The following G3BP2 variants were observed in gnomAD, a reference collection of about 807,000 sequenced individuals.
G3BP2 encodes the protein G3BP stress granule assembly factor 2.
Under a neutral mutation model 56.7 loss-of-function variants are expected in G3BP2, and 11 were observed. That is an observed-to-expected ratio of 0.19 (90% CI 0.12 to 0.32). The LOEUF (loss-of-function observed/expected upper bound fraction) is 0.32. Ranked by LOEUF, G3BP2 falls within the 10% of genes least tolerant of loss-of-function variation. The pLI, the probability that G3BP2 is intolerant of heterozygous loss-of-function variation, is 1.00. For synonymous variants in G3BP2, 165 were observed against 191.6 expected (o/e 0.86, Z 1.15); for missense variants, 340 against 610.9 (o/e 0.56, Z 4.67).
chr4:75,674,245 G>A (rs1278771196), upstream of G3BP2, among the ~76,000 whole-genome samples: 1 of 152,132 alleles, frequency 6.6e-6, no homozygotes, highest in African/African-American at 2.4e-5. Context: ...GATAGCACAG[G>A]AATTTTGGAA....
intron 9 of G3BP2, among the ~76,000 whole-genome samples, chr4:75,648,168 T>G (rs1398332554): frequency 6.6e-6 from 1 of 151,872 alleles, no homozygotes; most frequent in Non-Finnish European, 1.5e-5. Context: ...GCCAACATGG[T>G]GAAACCCTGT....
At chr4:75,653,589 T>TAAAAAAA (rs11422883) in intron 8 of G3BP2, among the ~76,000 whole-genome samples, 1 of 121,536 alleles carries the variant, frequency 8.2e-6, no homozygotes, top group African/African-American at 3.1e-5. Context: ...TTTTTTGCTT[T>TAAAAAAA]AAAAAAAAAA....
chr4:75,665,064 G>T (rs749067981), intron 1 of G3BP2, among the ~76,000 whole-genome samples: 2 of 152,184 alleles, frequency 1.3e-5, no homozygotes, highest in Non-Finnish European at 1.5e-5. Flanking sequence ...TTCAGAGACA[G>T]CCCTGCATAG....
chr4:75,666,504 C>G lies in G3BP2; in HGVS notation c.-24-4455G>C, dbSNP rs75834520. ...ATCAGTTACTTCTTTAACCATAACTCCGATTTGAAGTGACTCAGAATTTAG... is the reference window on the plus strand; with the variant it reads ...ATCAGTTACTTCTTTAACCATAACTGCGATTTGAAGTGACTCAGAATTTAG... On this transcript the variant is annotated intron_variant, in intron 1 of 11. Coordinates refer to ENST00000359707, the MANE Select transcript of G3BP2 (RefSeq NM_203505.3). Among the ~76,000 whole-genome samples the G allele has an allele frequency of 2.2e-3, 337 of 152,244 alleles. 1 individual carries two copies. Among genetic ancestry groups the G allele is most frequent in the African/African-American group, 7.9e-3 (329 of 41,530 alleles).
rs1733656900 is a variant in G3BP2, at chr4:75,673,270, T to C, written c.-87A>G. 1.6e-6 allele frequency: 2 copies of C among 1,224,420 alleles called. No individual in the cohort carries two copies. The highest frequency in any genetic ancestry group is 8.5e-5 in the Admixed American group (2 of 23,478). The allele number at this position is 1,224,420 out of a possible 1,614,324, so 75.8% of individuals were successfully genotyped here. A position where few individuals can be genotyped will look rare whatever the true frequency, so the allele number is the denominator to read the frequency against. On this transcript the variant is annotated 5_prime_UTR_variant, in exon 1 of 12. Coordinates refer to ENST00000359707, the MANE Select transcript of G3BP2 (RefSeq NM_203505.3). ...GTCAGAAGAGTCGCTGAGGACCGGG[T>C]GCGGCGGGTTCTTATTGCTCGCCGC...
At chr4:75,646,315 A>C in intron 11 of G3BP2, 23 bp downstream of exon 11, 3 of 991,608 alleles carry the variant, frequency 3.0e-6, no homozygotes, top group Non-Finnish European at 4.8e-6. Context: ...AAAGTCTTGA[A>C]TTATGCCCTT....
chr4:75,700,506 G>A (rs13137468), intron 3 of G3BP2, among the ~76,000 whole-genome samples: 2 of 87,820 alleles, frequency 2.3e-5, no homozygotes, highest in Non-Finnish European at 4.4e-5. Context: ...CTGCAACCTC[G>A]TCTTACCAGG....
intron 8 of G3BP2, 36 bp from the exon 9 acceptor site, chr4:75,648,777 A>C (rs1468886907): frequency 7.6e-7 from 1 of 1,321,326 alleles, no homozygotes. Context: ...TATAAAAAAC[A>C]CTCCACTGGA....
At chr4:75,706,515 TA>T (rs1450331152) in intron 3 of G3BP2, among the ~76,000 whole-genome samples, 1 of 151,986 alleles carries the variant, frequency 6.6e-6, no homozygotes, top group African/African-American at 2.4e-5. Context: ...CCATGTCTAC[TA>T]AAAATACAAA....
At chr4:75,706,372 TTG>T (rs1719544985) in intron 3 of G3BP2, among the ~76,000 whole-genome samples, 2 of 152,182 alleles carry the variant, frequency 1.3e-5, no homozygotes. Context: ...TGCTGCTCTA[TTG>T]TACTCTTGTA....
At chr4:75,718,238 CT>C (rs11339894) in intron 3 of G3BP2, among the ~76,000 whole-genome samples, 130,949 of 146,254 alleles carry the variant, frequency 0.9, 58,670 homozygotes, top group African/African-American at 0.96. Context: ...TTCTTTCTTT[CT>C]TTTTTTTTTT....
intron 5 of G3BP2, 21 bp downstream of exon 5, chr4:75,656,903 A>T (rs772649587): frequency 1.2e-5 from 14 of 1,143,188 alleles, no homozygotes; most frequent in Non-Finnish European, 1.7e-5. Flanking sequence ...TTCTATCTTC[A>T]TATCTTCAAA....
At chr4:75,673,637 G>A (rs1733705369), upstream of G3BP2, 1 of 1,230,238 alleles carries the variant, frequency 8.1e-7, no homozygotes, top group Non-Finnish European at 1.0e-6. Flanking sequence ...AGAGTCCGCT[G>A]ATTTGACGTC....
intron 2 of G3BP2, among the ~76,000 whole-genome samples, chr4:75,721,500 C>T (rs1720177217): frequency 6.6e-6 from 1 of 152,044 alleles, no homozygotes; most frequent in Admixed American, 6.6e-5. Flanking sequence ...TTAAATGATC[C>T]TCCCACCTTG....
chr4:75,690,427 C>T (rs1164375543), intron 3 of G3BP2, among the ~76,000 whole-genome samples: 1 of 141,318 alleles, frequency 7.1e-6, no homozygotes, highest in Non-Finnish European at 1.5e-5. Context: ...AGCAAAACTC[C>T]ATCTCCAAAA....
chr4:75,673,566 G>A, upstream of G3BP2: 9 of 1,232,024 alleles, frequency 7.3e-6, no homozygotes, highest in African/African-American at 1.5e-5. Context: ...GTACGCTGCC[G>A]CGCTCGCACA....
intron 1 of G3BP2, among the ~76,000 whole-genome samples, chr4:75,722,964 C>A (rs1490567623): frequency 1.3e-5 from 2 of 152,166 alleles, no homozygotes; most frequent in Non-Finnish European, 2.9e-5. Flanking sequence ...AAATGAATAA[C>A]ATAGTCCTGC....
intron 8 of G3BP2, among the ~76,000 whole-genome samples, chr4:75,651,621 C>G (rs1475447532): frequency 6.6e-6 from 1 of 152,182 alleles, no homozygotes; most frequent in East Asian, 1.9e-4. Flanking sequence ...TTCTTCAGGT[C>G]TCCAGTTTCA....
At chr4:75,701,725 G>A (rs556419839) in intron 3 of G3BP2, among the ~76,000 whole-genome samples, 6 of 152,302 alleles carry the variant, frequency 3.9e-5, no homozygotes, top group African/African-American at 1.2e-4. Context: ...GCTGTGCCCA[G>A]CCTGTTTTAT....
Sources: gnomAD v4.1 joint callset for allele counts (sites outside exome capture counted in the v4.1 genomes callset) on GRCh38, gnomAD v4.1.1 for gene constraint, MANE v1.5 for transcripts, NCBI Gene and HGNC (gene_info 2026-07-23, HGNC 2026-07-21) for gene names.